The following RGS17 variants were observed in gnomAD, a reference collection of about 807,000 sequenced individuals.
The protein encoded by RGS17 is regulator of G protein signaling 17.
Under a neutral mutation model 25.5 loss-of-function variants are expected in RGS17, and 12 were observed. The ratio of observed to expected loss-of-function variants is 0.47; its 90% CI spans 0.30 to 0.76. RGS17 has a LOEUF of 0.76. Among genes scored for constraint, RGS17 ranks in the 30% least tolerant of loss-of-function variants. The pLI, the probability that RGS17 is intolerant of heterozygous loss-of-function variation, is 0.07. For missense variants in RGS17, 196 were observed against 242.2 expected (o/e 0.81, Z 1.27); for synonymous variants, 71 against 76.9 (o/e 0.92, Z 0.40).
chr6:153,108,333 C>T (rs981718638), intron 1 of RGS17, among the ~76,000 whole-genome samples: 18 of 152,146 alleles, frequency 1.2e-4, no homozygotes, highest in African/African-American at 4.1e-4. Context: ...TCTCAAAATT[C>T]TTCTGCTTCA....
intron 3 of RGS17, among the ~76,000 whole-genome samples, chr6:153,025,715 C>CAT (rs931076890): frequency 1.4e-5 from 2 of 142,378 alleles, no homozygotes; most frequent in African/African-American, 2.6e-5. Context: ...TATATATAAA[C>CAT]ATATATATAA....
intron 1 of RGS17, among the ~76,000 whole-genome samples, chr6:153,053,617 C>T (rs1776491573): frequency 6.6e-6 from 1 of 151,882 alleles, no homozygotes; most frequent in Non-Finnish European, 1.5e-5. Context: ...GAGCCTCCAT[C>T]TTTACAGAAA....
rs919710377 is a variant in RGS17 at position 153,125,273 on chromosome 6, A to C, written c.-26+5851T>G. On this transcript the variant is annotated intron_variant, in intron 1 of 4. Coordinates refer to ENST00000206262, the MANE Select transcript of RGS17 (RefSeq NM_012419.5). Reference sequence around the variant, plus strand: ...CACAATCATTGACTACAATAGAATTATATTTACTGACACAGGGAATTTTTA... The same window carrying C: ...CACAATCATTGACTACAATAGAATTCTATTTACTGACACAGGGAATTTTTA... Among the ~76,000 whole-genome samples the C allele has an allele frequency of 6.6e-5, 10 of 152,210 alleles. No individual in the cohort carries two copies. The East Asian group carries it at 9.6e-4, about 15-fold the overall frequency.
chr6:153,058,458 A>T (rs6925834), intron 1 of RGS17, among the ~76,000 whole-genome samples: 58,399 of 152,030 alleles, frequency 0.38, 11,899 homozygotes, highest in East Asian at 0.62. Flanking sequence ...ATGTAAATGA[A>T]CTGAGTCTAA....
intron 1 of RGS17, among the ~76,000 whole-genome samples, chr6:153,098,947 G>A (rs2129122994): frequency 6.6e-6 from 1 of 152,148 alleles, no homozygotes; most frequent in Admixed American, 6.5e-5. Flanking sequence ...CAGATTTTTG[G>A]GGTCAATGTT....
intron 4 of RGS17, among the ~76,000 whole-genome samples, chr6:153,020,100 T>TTAAAAA (rs1333650446): frequency 4.4e-5 from 2 of 45,022 alleles, no homozygotes; most frequent in African/African-American, 1.7e-4. Flanking sequence ...GCAAATATCT[T>TTAAAAA]AAAAAAAAAA....
intron 1 of RGS17, among the ~76,000 whole-genome samples, chr6:153,129,516 C>CACT (rs1216725907): frequency 6.6e-6 from 1 of 152,150 alleles, no homozygotes; most frequent in Non-Finnish European, 1.5e-5. Context: ...CATTATTTTC[C>CACT]ACTACACTAA....
At chr6:153,105,065 G>C (rs1157134072) in intron 1 of RGS17, among the ~76,000 whole-genome samples, 2 of 152,182 alleles carry the variant, frequency 1.3e-5, no homozygotes, top group Non-Finnish European at 2.9e-5. Context: ...CAAAGGCATG[G>C]GGGTGGACAG....
chr6:153,079,364 C>T (rs988752356), intron 1 of RGS17, among the ~76,000 whole-genome samples: 6 of 152,252 alleles, frequency 3.9e-5, no homozygotes, highest in African/African-American at 1.2e-4. Context: ...AGGTATGAGC[C>T]GCAGCGCCTG....
At chr6:153,109,077 C>A (rs1228682613) in intron 1 of RGS17, among the ~76,000 whole-genome samples, 1 of 149,320 alleles carries the variant, frequency 6.7e-6, no homozygotes, top group Non-Finnish European at 1.5e-5. Context: ...AAGCCAAATG[C>A]AATCAAACAT....
At chr6:153,031,653 C>A (rs1779364668) in intron 2 of RGS17, among the ~76,000 whole-genome samples, 1 of 152,158 alleles carries the variant, frequency 6.6e-6, no homozygotes, top group Non-Finnish European at 1.5e-5. Context: ...CTCTGCAATG[C>A]CATTTCTCTT....
At chr6:153,020,111 A>AATATATATATATATATATAT (rs1779227259) in intron 4 of RGS17, among the ~76,000 whole-genome samples, 2 of 58,456 alleles carry the variant, frequency 3.4e-5, no homozygotes, top group Non-Finnish European at 6.0e-5. Flanking sequence ...AAAAAAAAAA[A>AATATATATATATATATATAT]ATATATATAT....
At chr6:153,075,873 C>T (rs1275092861) in intron 1 of RGS17, among the ~76,000 whole-genome samples, 3 of 152,128 alleles carry the variant, frequency 2.0e-5, no homozygotes, top group Admixed American at 1.3e-4. Flanking sequence ...TACCTGCATA[C>T]ACATTTGCTT....
chr6:153,122,230 T>C lies in RGS17; in HGVS notation c.-26+8894A>G, dbSNP rs1192868531. ...TATGATTACGTAGGCACCATATCAG[T>C]TGTTTCCCATAAATAAAAGGGGAAA... On this transcript the variant is annotated intron_variant, in intron 1 of 4. Transcript: ENST00000206262. Among the ~76,000 whole-genome samples the C allele has an allele frequency of 5.3e-5, 8 of 152,268 alleles. No homozygotes were observed. In the East Asian group the frequency reaches 1.5e-3, roughly 29 times the overall value.
chr6:153,081,376 T>C (rs974508507), intron 1 of RGS17, among the ~76,000 whole-genome samples: 53 of 152,152 alleles, frequency 3.5e-4, no homozygotes, highest in Admixed American at 6.5e-5. Context: ...TCTCTGATAT[T>C]CATATGTTCT....
intron 1 of RGS17, among the ~76,000 whole-genome samples, chr6:153,072,527 G>A (rs986404932): frequency 6.6e-6 from 1 of 152,180 alleles, no homozygotes; most frequent in East Asian, 1.9e-4. Flanking sequence ...CTTCGTTACT[G>A]GATGTCCAGT....
intron 4 of RGS17, among the ~76,000 whole-genome samples, chr6:153,020,928 A>C (rs1779242139): frequency 6.6e-6 from 1 of 152,144 alleles, no homozygotes; most frequent in Non-Finnish European, 1.5e-5. Flanking sequence ...AGTAAGGAGG[A>C]CCATGATGGA....
rs976946275 is a variant in RGS17, at chr6:153,037,189, C to G, written c.119+6711G>C. Among the ~76,000 whole-genome samples the G allele has an allele frequency of 6.2e-4, 70 of 113,222 alleles. 1 individual carries two copies. The East Asian group carries it at 0.025, about 40-fold the overall frequency. The allele number at this position is 113,222 out of a possible 152,430, so 74.3% of individuals were successfully genotyped here. On this transcript the variant is annotated intron_variant, in intron 2 of 4. Transcript: ENST00000206262. ...CCTTTAAAACACACACACACACACA[C>G]ACACACACACAGACACACACACACA...
intron 2 of RGS17, among the ~76,000 whole-genome samples, chr6:153,033,445 T>C (rs912002584): frequency 6.6e-6 from 1 of 152,138 alleles, no homozygotes; most frequent in African/African-American, 2.4e-5. Flanking sequence ...AGGCCAAGCA[T>C]GGTGGCTCAT....
Sources: allele counts gnomAD v4.1 joint callset (sites outside exome capture counted in the v4.1 genomes callset), GRCh38; gene constraint gnomAD v4.1.1; transcripts MANE v1.5; gene names NCBI Gene and HGNC (gene_info 2026-07-23, HGNC 2026-07-21).